SCAPER: variants seen among roughly 807,000 people sequenced by gnomAD.
The protein encoded by SCAPER is S phase cyclin A-associated protein in the endoplasmic reticulum.
Under a neutral mutation model 182.2 loss-of-function variants are expected in SCAPER, and 98 were observed. That is an observed-to-expected ratio of 0.54 (90% CI 0.46 to 0.64). The LOEUF (loss-of-function observed/expected upper bound fraction) is 0.64. Among genes scored for constraint, SCAPER ranks in the 30% least tolerant of loss-of-function variants. SCAPER has a pLI of 0.00. For synonymous variants in SCAPER, 605 were observed against 564.6 expected (o/e 1.07, Z -1.01); for missense variants, 1,432 against 1,690.0 (o/e 0.85, Z 2.68).
chr15:76,717,142 G>GA (rs34439573), intron 17 of SCAPER, among the ~76,000 whole-genome samples: 20 of 126,264 alleles, frequency 1.6e-4, no homozygotes, highest in East Asian at 1.1e-3. Context: ...TGATGAAAGG[G>GA]AAAAAAAAAA....
At chr15:76,903,630 T>A (rs954723192) in intron 1 of SCAPER, among the ~76,000 whole-genome samples, 6 of 152,156 alleles carry the variant, frequency 3.9e-5, no homozygotes, top group African/African-American at 1.4e-4. Context: ...CCTCCAAAAC[T>A]GCAAGAAATG....
At chr15:76,676,954 A>C (rs2057403367) in intron 20 of SCAPER, among the ~76,000 whole-genome samples, 1 of 151,870 alleles carries the variant, frequency 6.6e-6, no homozygotes, top group Admixed American at 6.6e-5. Flanking sequence ...GTATCTTTCA[A>C]GTAAAGAGGG....
chr15:76,571,380 A>G (rs567989080), intron 23 of SCAPER, among the ~76,000 whole-genome samples: 20 of 152,246 alleles, frequency 1.3e-4, no homozygotes, highest in Non-Finnish European at 2.8e-4. Context: ...AGCATAACAC[A>G]TATAAAAAGC....
intron 2 of SCAPER, among the ~76,000 whole-genome samples, chr15:76,871,250 A>T (rs1414834782): frequency 1.3e-5 from 2 of 151,850 alleles, no homozygotes; most frequent in African/African-American, 4.8e-5. Flanking sequence ...TCTACTGAAA[A>T]TACAAAAAAT....
chr15:76,771,582 T>C lies in SCAPER; in HGVS notation c.1248+160A>G, dbSNP rs1245489570. On this transcript the variant is annotated intron_variant, in intron 10 of 31. Coordinates refer to ENST00000563290, the MANE Select transcript of SCAPER (RefSeq NM_020843.4). ...CTCTAAAAAATAAGAATCTTAACTA[T>C]ATCAAAAGTTTACCAAAATAATAAA... 10 of 554,788 alleles carry C rather than the reference T, an allele frequency of 1.8e-5. No individual in the cohort carries two copies. In the East Asian group the frequency reaches 1.9e-4, roughly 11 times the overall value. 34.4% of individuals were successfully genotyped at this position (554,788 alleles called of 1,614,324 possible).
chr15:76,771,511 A>G (rs1040578766), intron 10 of SCAPER, among the ~76,000 whole-genome samples: 1 of 152,090 alleles, frequency 6.6e-6, no homozygotes, highest in Non-Finnish European at 1.5e-5. Flanking sequence ...ATACAAACCA[A>G]ATGATTTTGA....
intron 23 of SCAPER, among the ~76,000 whole-genome samples, chr15:76,547,100 C>T (rs1297368534): frequency 1.3e-5 from 2 of 152,202 alleles, no homozygotes; most frequent in African/African-American, 4.8e-5. Context: ...ATAGGGAATG[C>T]ACAGCTTCAA....
chr15:76,523,909 A>G (rs1043484230), intron 23 of SCAPER, among the ~76,000 whole-genome samples: 1 of 152,064 alleles, frequency 6.6e-6, no homozygotes, highest in African/African-American at 2.4e-5. Flanking sequence ...AACCTCTCCT[A>G]CCTTAGTTTT....
intron 5 of SCAPER, among the ~76,000 whole-genome samples, chr15:76,805,864 G>A (rs2066119845): frequency 1.3e-5 from 2 of 152,134 alleles, no homozygotes; most frequent in Admixed American, 6.5e-5. Flanking sequence ...ACCGTGCCCA[G>A]CCGACATTTG....
In SCAPER at chr15:76,421,241, T is replaced by G. The variant is rs1284800300; in HGVS notation, c.3311+12837A>C. On this transcript the variant is annotated intron_variant, in intron 26 of 31. Transcript: ENST00000563290. The stretch of plus-strand genomic sequence containing the variant: ...AACTAGTTTACAGTCCCACCAACAG[T>G]GTAAAAGTGTTCCTATTTCTCCACA... 3.9e-5 allele frequency among the ~76,000 whole-genome samples: 6 copies of G among 152,348 alleles called. No homozygotes were observed. In the East Asian group the frequency reaches 1.2e-3, roughly 29 times the overall value.
chr15:76,754,555 T>G (rs1231468224), intron 14 of SCAPER, among the ~76,000 whole-genome samples: 1 of 152,062 alleles, frequency 6.6e-6, no homozygotes, highest in Non-Finnish European at 1.5e-5. Context: ...AATTAACCCT[T>G]AAAACTTTAA....
At chr15:76,704,840 A>C (rs1382182201) in intron 18 of SCAPER, among the ~76,000 whole-genome samples, 3 of 152,210 alleles carry the variant, frequency 2.0e-5, no homozygotes, top group Non-Finnish European at 4.4e-5. Flanking sequence ...TCAAAACCAC[A>C]ATGAGATACC....
intron 23 of SCAPER, among the ~76,000 whole-genome samples, chr15:76,538,602 T>C (rs551590703): frequency 6.6e-6 from 1 of 152,114 alleles, no homozygotes; most frequent in South Asian, 2.1e-4. Flanking sequence ...CATTAGGAGA[T>C]ATAGCTAATG....
chr15:76,392,754 GAGCCCACATCTTTCTGACTTCCTA>G (rs1339209227), intron 27 of SCAPER, among the ~76,000 whole-genome samples: 2 of 152,172 alleles, frequency 1.3e-5, no homozygotes, highest in Non-Finnish European at 2.9e-5. Flanking sequence ...AGCTGAAACT[GAGCCCACATCTTTCTGACTTCCTA>G]ACCTTTGCTC....
intron 22 of SCAPER, among the ~76,000 whole-genome samples, chr15:76,606,175 T>C (rs966780623): frequency 3.9e-5 from 6 of 152,350 alleles, no homozygotes; most frequent in African/African-American, 1.4e-4. Context: ...TGAATTTCCC[T>C]CTACACACTG....
chr15:76,873,898 C>CTT (rs559728517), intron 2 of SCAPER, among the ~76,000 whole-genome samples: 1 of 144,486 alleles, frequency 6.9e-6, no homozygotes. Context: ...TTTTCTTCTT[C>CTT]TTTTTTTTTT....
intron 5 of SCAPER, among the ~76,000 whole-genome samples, chr15:76,818,885 C>T (rs890216714): frequency 1.2e-4 from 18 of 152,356 alleles, no homozygotes; most frequent in South Asian, 8.3e-4. Flanking sequence ...GGTCATCCCA[C>T]GCTAATACTG....
intron 14 of SCAPER, among the ~76,000 whole-genome samples, chr15:76,754,921 G>A (rs1031896629): frequency 2.0e-5 from 3 of 152,052 alleles, no homozygotes; most frequent in African/African-American, 7.2e-5. Flanking sequence ...TTATTGTGGT[G>A]ATCTGATGAT....
rs548344293 is a variant in SCAPER at position 76,591,570 on chromosome 15, TC to T, written c.2712-17287del. Among the ~76,000 whole-genome samples, 482 of 152,304 alleles carry T rather than the reference TC, an allele frequency of 3.2e-3. 5 individuals carry two copies. The highest frequency in any genetic ancestry group is 0.011 in the African/African-American group (460 of 41,568). On this transcript the variant is annotated intron_variant, in intron 22 of 31. Transcript: ENST00000563290. ...TCAACCTCTTGGGCTCAAGTGAGTC[TC>T]CCACCTCAGCTTTCTGAGTAGCTGG...
Sources: gnomAD v4.1 joint callset for allele counts (sites outside exome capture counted in the v4.1 genomes callset) on GRCh38, gnomAD v4.1.1 for gene constraint, MANE v1.5 for transcripts, NCBI Gene and HGNC (gene_info 2026-07-23, HGNC 2026-07-21) for gene names.